The following LRRC49 variants were observed in gnomAD, a reference collection of about 807,000 sequenced individuals.
LRRC49 encodes leucine-rich repeat-containing protein 49.
In LRRC49, 50 loss-of-function variants were observed where a neutral mutation model predicts 83.3. That is an observed-to-expected ratio of 0.60 (90% confidence interval 0.48 to 0.76). LRRC49 has a LOEUF of 0.76. Ranked by LOEUF, LRRC49 falls within the 30% of genes least tolerant of loss-of-function variation. LRRC49 has a pLI of 0.00. For missense variants in LRRC49, 704 were observed against 809.1 expected, an observed-to-expected ratio of 0.87 and a Z score of 1.58; for synonymous variants, 286 against 283.3, an observed-to-expected ratio of 1.01 and a Z score of -0.10.
chr15:70,962,992 C>A (rs576693986), intron 8 of LRRC49, among the ~76,000 whole-genome samples: 1 of 152,028 alleles, frequency 6.6e-6, no homozygotes, highest in Non-Finnish European at 1.5e-5. Flanking sequence ...ACCACCTGGG[C>A]ATAGTGGTCA....
intron 2 of LRRC49, among the ~76,000 whole-genome samples, chr15:70,885,903 T>C (rs115605946): frequency 0.012 from 1,784 of 152,252 alleles, 43 homozygotes; most frequent in African/African-American, 0.041. Context: ...CAAGTACATA[T>C]GGAACATTTA....
intron 2 of LRRC49, among the ~76,000 whole-genome samples, chr15:70,895,026 T>G (rs2033771238): frequency 6.6e-6 from 1 of 152,128 alleles, no homozygotes; most frequent in Non-Finnish European, 1.5e-5. Context: ...CATCTAAATA[T>G]TTTTTCCAAA....
upstream of LRRC49, chr15:70,892,724 A>C (rs2033634804): frequency 2.0e-6 from 3 of 1,487,914 alleles, no homozygotes; most frequent in Admixed American, 4.7e-5. Context: ...TAGAAGCTGC[A>C]ACGACTGTGT....
At chr15:71,010,829 T>C (rs1263848892) in intron 13 of LRRC49, among the ~76,000 whole-genome samples, 3 of 152,076 alleles carry the variant, frequency 2.0e-5, no homozygotes, top group African/African-American at 7.2e-5. Context: ...ACATCTTTAA[T>C]ATGTTGTTAG....
chr15:71,001,492 C>T (rs2038252901), intron 11 of LRRC49, among the ~76,000 whole-genome samples: 1 of 152,164 alleles, frequency 6.6e-6, no homozygotes, highest in African/African-American at 2.4e-5. Flanking sequence ...TATTTGAGAA[C>T]ACAGCCCTTT....
chr15:70,934,171 T>C lies in LRRC49; in HGVS notation c.712-2590T>C, dbSNP rs148824546. ...CCATCTTTTGTTTACTCTCTTATAT[T>C]AGAGGAGCCATCCCCTAGTAGTTTT... On this transcript the variant is annotated intron_variant, in intron 7 of 15. Transcript: ENST00000260382. Among the ~76,000 whole-genome samples, 38 of 152,308 alleles carry C rather than the reference T, an allele frequency of 2.5e-4. No individual in the cohort carries two copies. The East Asian group carries it at 6.6e-3, about 26-fold the overall frequency.
intron 6 of LRRC49, among the ~76,000 whole-genome samples, chr15:70,915,726 C>T (rs2899765): frequency 0.56 from 85,218 of 151,914 alleles, 24,306 homozygotes; most frequent in Admixed American, 0.7. Context: ...TGTCTTATTA[C>T]ACAGTTTTAT....
chr15:70,959,686 G>C (rs943870177), intron 8 of LRRC49, among the ~76,000 whole-genome samples: 3 of 151,660 alleles, frequency 2.0e-5, no homozygotes, highest in Non-Finnish European at 4.4e-5. Context: ...AGGCCAGAAA[G>C]AAAGAAAATC....
chr15:70,859,300 C>A (rs2032728626), intron 1 of LRRC49: 4 of 811,244 alleles, frequency 4.9e-6, no homozygotes, highest in Non-Finnish European at 8.9e-6. Flanking sequence ...TTGTCCTCAT[C>A]AAGAAGGATG....
chr15:71,045,228 T>C (rs192582870), intron 15 of LRRC49, among the ~76,000 whole-genome samples: 20 of 152,344 alleles, frequency 1.3e-4, no homozygotes, highest in Non-Finnish European at 1.5e-5. Context: ...TTTTCTTCAA[T>C]AGTTTTTATG....
chr15:70,937,492 C>T (rs1341345551), intron 8 of LRRC49, among the ~76,000 whole-genome samples: 2 of 152,266 alleles, frequency 1.3e-5, no homozygotes, highest in Admixed American at 6.5e-5. Flanking sequence ...TTAGTTTGAA[C>T]TGGGCTTTTT....
intron 9 of LRRC49, among the ~76,000 whole-genome samples, chr15:70,966,754 C>A (rs2036809015): frequency 6.6e-6 from 1 of 151,962 alleles, no homozygotes; most frequent in Non-Finnish European, 1.5e-5. Context: ...TGAAAAAATC[C>A]CTGAGACTAT....
chr15:70,884,647 A>G (rs2033357499), intron 2 of LRRC49, among the ~76,000 whole-genome samples: 1 of 152,194 alleles, frequency 6.6e-6, no homozygotes, highest in Admixed American at 6.5e-5. Context: ...TTAAATCATG[A>G]CCAATTTTCA....
At chr15:70,878,711 G>T (rs1203947847) in intron 2 of LRRC49, among the ~76,000 whole-genome samples, 1 of 152,170 alleles carries the variant, frequency 6.6e-6, no homozygotes, top group Non-Finnish European at 1.5e-5. Context: ...AGATGAAGGT[G>T]ACATGATTTT....
chr15:71,038,397 G>A (rs2039591609), intron 15 of LRRC49, among the ~76,000 whole-genome samples: 1 of 152,026 alleles, frequency 6.6e-6, no homozygotes, highest in Non-Finnish European at 1.5e-5. Context: ...TCAGAAGAAA[G>A]CAAAACAGCA....
exon 2 of LRRC49, chr15:70,872,971 C>T (rs527846374): frequency 4.0e-5 from 20 of 501,268 alleles, no homozygotes; most frequent in South Asian, 1.3e-4. Context: ...CTGCAACCTC[C>T]ACCTCCCAGG....
chr15:70,965,440 A>G (rs1390040492), intron 9 of LRRC49, among the ~76,000 whole-genome samples: 1 of 152,170 alleles, frequency 6.6e-6, no homozygotes, highest in South Asian at 2.1e-4. Flanking sequence ...TATACATTGC[A>G]TTATAGCTGA....
intron 11 of LRRC49, among the ~76,000 whole-genome samples, chr15:70,998,746 C>T (rs1027912091): frequency 1.4e-5 from 2 of 140,996 alleles, no homozygotes; most frequent in African/African-American, 5.2e-5. Context: ...AGTTTCTGGC[C>T]ATTGTTTTTT....
intron 2 of LRRC49, among the ~76,000 whole-genome samples, chr15:70,887,018 A>G (rs998611788): frequency 1.5e-4 from 23 of 152,230 alleles, no homozygotes; most frequent in African/African-American, 5.5e-4. Flanking sequence ...TAGATGGAAC[A>G]GACAAATTAA....
Sources: gnomAD v4.1 joint callset for allele counts (sites outside exome capture counted in the v4.1 genomes callset) on GRCh38, gnomAD v4.1.1 for gene constraint, MANE v1.5 for transcripts, NCBI Gene and HGNC (gene_info 2026-07-23, HGNC 2026-07-21) for gene names.